ATL1: variants seen among roughly 807,000 people sequenced by gnomAD.
ATL1 encodes atlastin-1.
ATL1 carries 31 observed loss-of-function variants against 75.5 expected under a neutral mutation model. The ratio of observed to expected loss-of-function variants is 0.41; its 90% CI spans 0.31 to 0.55. The LOEUF (loss-of-function observed/expected upper bound fraction) is 0.55. ATL1 is among the 20% of genes least tolerant of loss of function. The pLI is 0.27. For missense variants in ATL1, 405 were observed against 662.6 expected, an observed-to-expected ratio of 0.61 and a Z score of 4.27; for synonymous variants, 226 against 233.3, an observed-to-expected ratio of 0.97 and a Z score of 0.28.
intron 4 of ATL1, among the ~76,000 whole-genome samples, chr14:50,593,438 G>A (rs2039182306): frequency 6.6e-6 from 1 of 152,074 alleles, no homozygotes; most frequent in Non-Finnish European, 1.5e-5. Context: ...ATGAAACTCT[G>A]TATAGACATA....
At chr14:50,598,045 A>AAT (rs2039238006) in intron 6 of ATL1, among the ~76,000 whole-genome samples, 2 of 152,136 alleles carry the variant, frequency 1.3e-5, no homozygotes, top group South Asian at 4.1e-4. Flanking sequence ...TAAGTTTTAA[A>AAT]ATATATATAC....
At chr14:50,615,753 G>T (rs2039408880) in intron 8 of ATL1, among the ~76,000 whole-genome samples, 1 of 152,154 alleles carries the variant, frequency 6.6e-6, no homozygotes, top group African/African-American at 2.4e-5. Context: ...ATTACATAAA[G>T]AAAGCCTTCT....
In ATL1 at chr14:50,621,829, TTC is replaced by T. The variant is rs763860692; in HGVS notation, c.991-12_991-11del. On this transcript the variant is annotated splice_polypyrimidine_tract_variant and intron_variant, in intron 9 of 13. Coordinates refer to ENST00000358385, the MANE Select transcript of ATL1 (RefSeq NM_015915.5). ...TGGAATTGCTTGAACATGAATCTTT[TTC>T]TTTTTTTTTAGGCTTATATAAAGAT... The T allele has an allele frequency of 2.6e-6, 4 of 1,528,742 alleles. No individual in the cohort carries two copies. In the African/African-American group the frequency reaches 5.5e-5, roughly 21 times the overall value. 94.7% of individuals were successfully genotyped at this position (1,528,742 alleles called of 1,614,324 possible). A position where few individuals can be genotyped will look rare whatever the true frequency, so the allele number is the denominator to read the frequency against.
At chr14:50,595,470 A>T in intron 5 of ATL1, 106 bp from the exon 6 acceptor site, 1 of 1,003,230 alleles carries the variant, frequency 1.0e-6, no homozygotes, top group South Asian at 1.4e-5. Flanking sequence ...CCTAGAGGGA[A>T]AAGTAAATGA....
chr14:50,621,957 C>A, intron 10 of ATL1, 58 bp downstream of exon 10: 3 of 1,178,600 alleles, frequency 2.5e-6, no homozygotes, highest in Non-Finnish European at 3.8e-6. Context: ...AGATTTCTGG[C>A]TGTCAGAAAT....
intron 1 of ATL1, among the ~76,000 whole-genome samples, chr14:50,536,852 T>C (rs1256398632): frequency 6.6e-6 from 1 of 152,178 alleles, no homozygotes; most frequent in African/African-American, 2.4e-5. Context: ...AAGAGGTGGC[T>C]AGGGTGTTGT....
intron 1 of ATL1, chr14:50,560,555 C>A (rs537922816): frequency 9.0e-5 from 48 of 533,726 alleles, no homozygotes; most frequent in South Asian, 5.3e-4. Flanking sequence ...TCCCCACCCC[C>A]CTCCCGCCTC....
chr14:50,572,062 C>T, intron 1 of ATL1: 2 of 542,520 alleles, frequency 3.7e-6, no homozygotes, highest in Non-Finnish European at 7.1e-6. Flanking sequence ...ATTCCTTGGA[C>T]ATGTCTGCCA....
chr14:50,591,181 C>A, intron 3 of ATL1, 106 bp downstream of exon 3: 1 of 1,193,950 alleles, frequency 8.4e-7, no homozygotes, highest in Non-Finnish European at 1.2e-6. Context: ...GACCATTTGA[C>A]ATGAAGCTTA....
intron 13 of ATL1, 160 bp from the exon 14 acceptor site, chr14:50,632,068 GA>G (rs1169180527): frequency 3.8e-6 from 2 of 523,592 alleles, no homozygotes; most frequent in Non-Finnish European, 6.9e-6. Context: ...TTGAGGAGTT[GA>G]AAATACTTTT....
chr14:50,621,781 A>G, intron 9 of ATL1, 62 bp from the exon 10 acceptor site: 1 of 1,045,978 alleles, frequency 9.6e-7, no homozygotes, highest in Non-Finnish European at 1.5e-6. Context: ...ATGCAATTTC[A>G]TAGAATTAGA....
At chr14:50,574,937 G>GTGTGTGTATA (rs1475087119) in intron 1 of ATL1, among the ~76,000 whole-genome samples, 4 of 23,156 alleles carry the variant, frequency 1.7e-4, no homozygotes, top group Admixed American at 5.4e-4. Context: ...GTGTGTGTGT[G>GTGTGTGTATA]TATATATATA....
chr14:50,553,869 T>C (rs1424796819), intron 1 of ATL1, among the ~76,000 whole-genome samples: 2 of 152,110 alleles, frequency 1.3e-5, no homozygotes, highest in African/African-American at 2.4e-5. Context: ...CCAAATATTG[T>C]ATGTTCTCAC....
At chr14:50,591,169 T>C in intron 3 of ATL1, 94 bp downstream of exon 3, 1 of 1,261,990 alleles carries the variant, frequency 7.9e-7, no homozygotes, top group African/African-American at 1.5e-5. Context: ...AAAATTAATT[T>C]TGACCATTTG....
chr14:50,571,118 G>A (rs547920972), intron 1 of ATL1, among the ~76,000 whole-genome samples: 183 of 152,330 alleles, frequency 1.2e-3, no homozygotes, highest in Non-Finnish European at 1.6e-3. Context: ...TTGAGCTAGA[G>A]TGGGAGGGGC....
chr14:50,541,302 C>G (rs2038557321), intron 1 of ATL1, among the ~76,000 whole-genome samples: 1 of 152,136 alleles, frequency 6.6e-6, no homozygotes, highest in African/African-American at 2.4e-5. Flanking sequence ...TAACATTATG[C>G]AAATTGCACC....
intron 1 of ATL1, among the ~76,000 whole-genome samples, chr14:50,587,162 T>C (rs968299942): frequency 6.6e-6 from 1 of 152,190 alleles, no homozygotes; most frequent in Non-Finnish European, 1.5e-5. Context: ...GTAAATAAGC[T>C]ATTTCTAGGG....
At chr14:50,630,347 T>C (rs1162126786) in intron 13 of ATL1, among the ~76,000 whole-genome samples, 1 of 152,236 alleles carries the variant, frequency 6.6e-6, no homozygotes, top group Non-Finnish European at 1.5e-5. Context: ...TTATGAAACC[T>C]GAGGAAATGT....
intron 6 of ATL1, among the ~76,000 whole-genome samples, chr14:50,606,052 A>C (rs1055164267): frequency 6.6e-6 from 1 of 152,040 alleles, no homozygotes; most frequent in Non-Finnish European, 1.5e-5. Flanking sequence ...AATTGAAGGG[A>C]TGTATTGAGT....
Sources: allele counts gnomAD v4.1 joint callset (sites outside exome capture counted in the v4.1 genomes callset), GRCh38; gene constraint gnomAD v4.1.1; transcripts MANE v1.5; gene names NCBI Gene and HGNC (gene_info 2026-07-23, HGNC 2026-07-21).